NWD2: variants seen among roughly 807,000 people sequenced by gnomAD.
NWD2 encodes NACHT and WD repeat domain-containing protein 2.
Under a neutral mutation model 132.7 loss-of-function variants are expected in NWD2, and 37 were observed. The ratio of observed to expected loss-of-function variants is 0.28; its 90% CI spans 0.21 to 0.37. The LOEUF is 0.37. NWD2 is among the 10% of genes least tolerant of loss of function. NWD2 has a pLI of 1.00. For missense variants in NWD2, 1,592 were observed against 2,122.4 expected (o/e 0.75, Z 4.91); for synonymous variants, 705 against 803.0 (o/e 0.88, Z 2.06).
At chr4:37,279,065 TA>T (rs1004955987) in intron 1 of NWD2, among the ~76,000 whole-genome samples, 175 of 152,124 alleles carry the variant, frequency 1.2e-3, no homozygotes, top group African/African-American at 3.9e-3. Context: ...CAAGGTTGAT[TA>T]AAAAAAACAC....
chr4:37,355,950 G>A (rs1719863576), intron 2 of NWD2, among the ~76,000 whole-genome samples: 2 of 151,844 alleles, frequency 1.3e-5, no homozygotes, highest in South Asian at 4.1e-4. Context: ...TCAGTGTATA[G>A]TAATATTCAT....
At chr4:37,268,343 T>C (rs1231540339) in intron 1 of NWD2, among the ~76,000 whole-genome samples, 1 of 151,996 alleles carries the variant, frequency 6.6e-6, no homozygotes, top group African/African-American at 2.4e-5. Context: ...CTGGAAGCCA[T>C]TCTGAATGAA....
At chr4:37,407,664 A>G (rs978502879) in intron 3 of NWD2, among the ~76,000 whole-genome samples, 1 of 152,264 alleles carries the variant, frequency 6.6e-6, no homozygotes, top group Non-Finnish European at 1.5e-5. Flanking sequence ...GGCAGCTGCA[A>G]AAAGAAATGT....
chr4:37,360,667 A>G (rs1455061986), intron 3 of NWD2, among the ~76,000 whole-genome samples: 1 of 152,098 alleles, frequency 6.6e-6, no homozygotes, highest in Non-Finnish European at 1.5e-5. Context: ...GGTCAACAAA[A>G]TCTCCCCCAC....
At chr4:37,284,185 G>C (rs77854218) in intron 1 of NWD2, among the ~76,000 whole-genome samples, 2,740 of 152,186 alleles carry the variant, frequency 0.018, 83 homozygotes, top group African/African-American at 0.063. Flanking sequence ...TTGGGGTCTG[G>C]TGAGAGCTCG....
At chr4:37,262,230 C>T (rs1480506521) in intron 1 of NWD2, among the ~76,000 whole-genome samples, 1 of 152,158 alleles carries the variant, frequency 6.6e-6, no homozygotes, top group Non-Finnish European at 1.5e-5. Flanking sequence ...GTCAACTTTA[C>T]CCACAAAGCA....
chr4:37,350,408 A>G (rs1056203745), intron 2 of NWD2, among the ~76,000 whole-genome samples: 1 of 152,084 alleles, frequency 6.6e-6, no homozygotes, highest in African/African-American at 2.4e-5. Flanking sequence ...CATCCCTTGT[A>G]AGTTGTATTT....
chr4:37,251,974 G>A (rs1037883480), intron 1 of NWD2, among the ~76,000 whole-genome samples: 1 of 152,178 alleles, frequency 6.6e-6, no homozygotes, highest in Admixed American at 6.5e-5. Flanking sequence ...TAATACATAT[G>A]TGACGAGCAC....
intron 1 of NWD2, among the ~76,000 whole-genome samples, chr4:37,307,620 AT>A (rs1333646417): frequency 6.6e-6 from 1 of 152,082 alleles, no homozygotes; most frequent in Non-Finnish European, 1.5e-5. Context: ...GGTTGAATCT[AT>A]TTGGGGACTT....
At chr4:37,298,031 A>T (rs551268017) in intron 1 of NWD2, among the ~76,000 whole-genome samples, 1 of 152,170 alleles carries the variant, frequency 6.6e-6, no homozygotes, top group Non-Finnish European at 1.5e-5. Flanking sequence ...TGGGCGTCTC[A>T]GTAAGAGATG....
At chr4:37,280,297 T>C (rs1027517146) in intron 1 of NWD2, among the ~76,000 whole-genome samples, 2 of 152,164 alleles carry the variant, frequency 1.3e-5, no homozygotes, top group African/African-American at 4.8e-5. Flanking sequence ...AAGATCATTA[T>C]TTACTCTAGT....
At chr4:37,349,330 C>T (rs1266105011) in intron 2 of NWD2, among the ~76,000 whole-genome samples, 1 of 152,180 alleles carries the variant, frequency 6.6e-6, no homozygotes, top group Non-Finnish European at 1.5e-5. Context: ...TTTTCCACAT[C>T]CTCTCCAGCA....
intron 3 of NWD2, among the ~76,000 whole-genome samples, chr4:37,373,749 A>G (rs552184176): frequency 8.5e-5 from 13 of 152,352 alleles, no homozygotes; most frequent in African/African-American, 1.9e-4. Context: ...ACCAACAACT[A>G]AATGGTCAGA....
At chr4:37,276,805 T>C (rs752477984) in intron 1 of NWD2, among the ~76,000 whole-genome samples, 2 of 152,086 alleles carry the variant, frequency 1.3e-5, no homozygotes, top group Non-Finnish European at 2.9e-5. Context: ...TATGCAGCCA[T>C]AGAAAATGAT....
chr4:37,394,805 T>TTTTTTG (rs1720750014), intron 3 of NWD2, among the ~76,000 whole-genome samples: 2 of 96,416 alleles, frequency 2.1e-5, no homozygotes, highest in African/African-American at 3.7e-5. Context: ...TATGGTTTTT[T>TTTTTTG]TTTTTTTTTT....
chr4:37,446,001 A>C lies in NWD2; in HGVS notation c.4013A>C (p.Asp1338Ala). 1 of 1,551,688 alleles carries C rather than the reference A, an allele frequency of 6.4e-7. No individual in the cohort carries two copies. The highest frequency in any genetic ancestry group is 8.7e-7 in the Non-Finnish European group (1 of 1,147,002). ...GEIIYSLDGSDCVHKWNFSSG... is the reference protein window; with the variant it reads ...GEIIYSLDGSACVHKWNFSSG... ...ATCATTTACTCCCTGGATGGATCCG[A>C]TTGTGTTCATAAGTGGAACTTCAGC... Residue 1338 changes from aspartate (D) to alanine (A), a missense_variant, in exon 7 of 7, where the codon GAT becomes GCT. Around this residue, in one of 7 missense-constraint regions of NWD2, gnomAD observed 1,071 missense variants for 1,398.0 expected, o/e 0.77. Transcript: ENST00000309447. The surrounding 1 kb of genome is among the most constrained non-coding windows in gnomAD (Gnocchi z 6.7).
chr4:37,364,379 C>T (rs1205440357), intron 3 of NWD2, among the ~76,000 whole-genome samples: 2 of 151,960 alleles, frequency 1.3e-5, no homozygotes, highest in Non-Finnish European at 2.9e-5. Flanking sequence ...ACCACGCATG[C>T]GATGAGAGGA....
intron 2 of NWD2, among the ~76,000 whole-genome samples, chr4:37,347,863 C>T (rs35559794): frequency 0.34 from 52,175 of 152,110 alleles, 10,257 homozygotes; most frequent in Middle Eastern, 0.5. Context: ...CCAAAAGAAT[C>T]GAGACGAGAT....
intron 2 of NWD2, among the ~76,000 whole-genome samples, chr4:37,349,114 G>T (rs1028418129): frequency 6.6e-6 from 1 of 151,996 alleles, no homozygotes; most frequent in African/African-American, 2.4e-5. Context: ...CCAAGTCTTT[G>T]CTATTGTGAA....
Sources: allele counts gnomAD v4.1 joint callset (sites outside exome capture counted in the v4.1 genomes callset), GRCh38; gene constraint gnomAD v4.1.1; regional missense constraint gnomAD v4.1.1; non-coding constraint Gnocchi (gnomAD v3.1); transcripts MANE v1.5; gene names NCBI Gene and HGNC (gene_info 2026-07-23, HGNC 2026-07-21).